CRACR2A: variants seen among roughly 807,000 people sequenced by gnomAD.
The protein encoded by CRACR2A is calcium release activated channel regulator 2A, also known as EF-hand calcium-binding domain-containing protein 4B.
In CRACR2A, 79 loss-of-function variants were observed where a neutral mutation model predicts 90.5. The ratio of observed to expected loss-of-function variants is 0.87; its 90% CI spans 0.73 to 1.05. The LOEUF (loss-of-function observed/expected upper bound fraction) is 1.05. CRACR2A is among the 50% of genes least tolerant of loss of function. The probability of loss-of-function intolerance (pLI) is 0.00; values close to 1 mark genes in which losing one functional copy is unlikely to be tolerated. For missense variants in CRACR2A, 823 were observed against 897.2 expected (o/e 0.92, Z 1.06); for synonymous variants, 338 against 356.7 (o/e 0.95, Z 0.59).
At chr12:3,748,450 T>C (rs1455016113) in intron 1 of CRACR2A, among the ~76,000 whole-genome samples, 1 of 152,186 alleles carries the variant, frequency 6.6e-6, no homozygotes, top group East Asian at 1.9e-4. Flanking sequence ...CCCGCTGGCA[T>C]TCCGAGAAAG....
intron 17 of CRACR2A, among the ~76,000 whole-genome samples, chr12:3,623,866 T>G (rs916257989): frequency 6.6e-6 from 1 of 152,134 alleles, no homozygotes; most frequent in African/African-American, 2.4e-5. Context: ...CACCAAAGGA[T>G]TTTGGTTCCC....
chr12:3,731,614 A>C (rs1397834402), intron 2 of CRACR2A: 4 of 152,164 alleles, frequency 2.6e-5, no homozygotes, highest in African/African-American at 9.7e-5. Context: ...GAGCTCACTT[A>C]GTGTGGCAGC....
At chr12:3,717,836 G>A (rs992383808) in intron 2 of CRACR2A, among the ~76,000 whole-genome samples, 2 of 152,104 alleles carry the variant, frequency 1.3e-5, no homozygotes, top group African/African-American at 4.8e-5. Flanking sequence ...CATCTTCAAT[G>A]ACACCTTCAT....
chr12:3,636,070 T>A (rs949038590), intron 14 of CRACR2A, among the ~76,000 whole-genome samples: 5 of 152,242 alleles, frequency 3.3e-5, no homozygotes, highest in Admixed American at 6.5e-5. Flanking sequence ...ATTGGACATT[T>A]TTTTTAAAAT....
chr12:3,623,766 A>C (rs1423242289), intron 17 of CRACR2A, among the ~76,000 whole-genome samples: 1 of 152,194 alleles, frequency 6.6e-6, no homozygotes, highest in Non-Finnish European at 1.5e-5. Flanking sequence ...GCCTGCAGGC[A>C]AGGTAAAGTT....
At chr12:3,685,064 G>A (rs550440976) in intron 4 of CRACR2A, among the ~76,000 whole-genome samples, 7 of 152,270 alleles carry the variant, frequency 4.6e-5, no homozygotes, top group South Asian at 4.1e-4. Context: ...CATTCCCTCC[G>A]GACCTCAGCA....
At chr12:3,707,890 T>C (rs1250750038) in intron 3 of CRACR2A, among the ~76,000 whole-genome samples, 1 of 152,242 alleles carries the variant, frequency 6.6e-6, no homozygotes, top group African/African-American at 2.4e-5. Flanking sequence ...AATTATGCTG[T>C]AATATAAGCA....
chr12:3,682,768 CATTATTTTT>C (rs556999208), intron 4 of CRACR2A, among the ~76,000 whole-genome samples: 22 of 151,470 alleles, frequency 1.5e-4, no homozygotes, highest in East Asian at 3.9e-4. Flanking sequence ...GTACTGTTTA[CATTATTTTT>C]ATTATTTTTA....
chr12:3,750,030 G>A (rs970167947), intron 1 of CRACR2A, among the ~76,000 whole-genome samples: 1 of 151,716 alleles, frequency 6.6e-6, no homozygotes, highest in Non-Finnish European at 1.5e-5. Flanking sequence ...ACCGCCTCCC[G>A]GGTTCAACCA....
At chr12:3,742,411 T>C (rs16930761) in intron 1 of CRACR2A, among the ~76,000 whole-genome samples, 23,893 of 152,142 alleles carry the variant, frequency 0.16, 2,078 homozygotes, top group African/African-American at 0.2. Flanking sequence ...TGCCCAAATC[T>C]GTGGTGATTC....
intron 3 of CRACR2A, among the ~76,000 whole-genome samples, chr12:3,698,941 G>A (rs1945787523): frequency 6.6e-6 from 1 of 152,146 alleles, no homozygotes; most frequent in African/African-American, 2.4e-5. Flanking sequence ...CTGCACCCAA[G>A]AGGCCCCACC....
At position 3,742,948 on chromosome 12, in the gene CRACR2A, T is replaced by C. The variant is rs1946550789; in HGVS notation, c.-386-9738A>G. 1.3e-5 allele frequency among the ~76,000 whole-genome samples: 2 copies of C among 152,234 alleles called. 1 individual carries two copies. Among genetic ancestry groups the C allele is most frequent in the South Asian group, 4.1e-4 (2 of 4,838 alleles). Reference sequence around the variant, plus strand: ...CTGGTCAAAAGAAATACTGTGTCCCTTTTTCTTTTTCCTAGTACAAAGCAC... The same window carrying C: ...CTGGTCAAAAGAAATACTGTGTCCCCTTTTCTTTTTCCTAGTACAAAGCAC... On this transcript the variant is annotated intron_variant, in intron 1 of 19. Transcript: ENST00000440314.
chr12:3,650,842 T>G (rs1944782241), intron 10 of CRACR2A, among the ~76,000 whole-genome samples: 1 of 152,226 alleles, frequency 6.6e-6, no homozygotes, highest in Non-Finnish European at 1.5e-5. Flanking sequence ...TACATATGTA[T>G]TAGAAATACA....
chr12:3,664,820 A>G (rs1014893961), intron 7 of CRACR2A, among the ~76,000 whole-genome samples: 5 of 152,234 alleles, frequency 3.3e-5, no homozygotes, highest in African/African-American at 4.8e-5. Context: ...CAGCCTGACC[A>G]ACATGGCGAA....
At chr12:3,717,433 T>C (rs192418566) in intron 2 of CRACR2A, among the ~76,000 whole-genome samples, 5 of 152,300 alleles carry the variant, frequency 3.3e-5, no homozygotes, top group African/African-American at 1.2e-4. Context: ...TACTTCCAAG[T>C]GCTGGGACCC....
At chr12:3,686,825 A>G (rs943465912) in intron 4 of CRACR2A, among the ~76,000 whole-genome samples, 7 of 152,172 alleles carry the variant, frequency 4.6e-5, no homozygotes, top group African/African-American at 1.7e-4. Flanking sequence ...AGGACTCTCT[A>G]AACTTGGTTC....
At chr12:3,712,490 T>C (rs920068412) in intron 3 of CRACR2A, among the ~76,000 whole-genome samples, 3 of 152,048 alleles carry the variant, frequency 2.0e-5, no homozygotes, top group Non-Finnish European at 4.4e-5. Flanking sequence ...AGAGACACAG[T>C]TGGGGGTGAG....
intron 11 of CRACR2A, chr12:3,648,082 A>G (rs1397396043): frequency 1.0e-6 from 1 of 996,126 alleles, no homozygotes; most frequent in Non-Finnish European, 1.2e-6. Flanking sequence ...TTCTGGCCCC[A>G]TCAGAGAGTA....
intron 1 of CRACR2A, among the ~76,000 whole-genome samples, chr12:3,749,765 G>T (rs1332701828): frequency 6.6e-6 from 1 of 150,842 alleles, no homozygotes; most frequent in Non-Finnish European, 1.5e-5. Flanking sequence ...CAATGTGCTG[G>T]TTTTTGTTGT....
Sources: allele counts gnomAD v4.1 joint callset (sites outside exome capture counted in the v4.1 genomes callset), GRCh38; gene constraint gnomAD v4.1.1; transcripts MANE v1.5; gene names NCBI Gene and HGNC (gene_info 2026-07-23, HGNC 2026-07-21).